Variants in FCER2 observed in about 807,000 individuals in gnomAD.
FCER2 encodes low affinity immunoglobulin epsilon Fc receptor.
In FCER2, 38 loss-of-function variants were observed where a neutral mutation model predicts 49.7. The observed-to-expected ratio is 0.76, with a 90% CI of 0.59 to 1.00. The LOEUF is 1.00. FCER2 is among the 50% of genes least tolerant of loss of function. The probability of loss-of-function intolerance (pLI) is 0.00; values close to 1 mark genes in which losing one functional copy is unlikely to be tolerated. For missense variants in FCER2, 425 were observed against 419.5 expected (o/e 1.01, Z -0.11); for synonymous variants, 163 against 164.6 (o/e 0.99, Z 0.07).
In FCER2 at chr19:7,690,216, C is replaced by A. The variant is rs756205377; in HGVS notation, c.671G>T (p.Arg224Leu). Residue 224 changes from arginine to leucine, a missense_variant, in exon 10 of 11, where the codon CGG (arginine) becomes CTG (leucine). By Grantham distance (102) the Arg-to-Leu change is moderately radical. Coordinates refer to ENST00000597921, the MANE Select transcript of FCER2 (RefSeq NM_001220500.2). ...AAACTCCCCCTTCAGGTCCAAGTTC[C>A]GAAGGCCAATCCAGGAGCCGGTGTG... ...ASHTGSWIGL[R>L]NLDLKGEFIW... The A allele has an allele frequency of 6.2e-7, 1 of 1,613,952 alleles. No individual in the cohort carries two copies.
chr19:7,690,172 G>T lies in FCER2; in HGVS notation c.715C>A (p.His239Asn), dbSNP rs1599431333. 4 of 1,610,566 alleles carry T rather than the reference G, an allele frequency of 2.5e-6. No individual in the cohort carries two copies. The highest frequency in any genetic ancestry group is 3.4e-6 in the Non-Finnish European group (4 of 1,176,802). The change falls in exon 10 of 11, where the codon CAC becomes AAC. Residue 239 changes from histidine (H) to asparagine (N), a missense_variant. His to Asn is a moderately conservative substitution (Grantham distance 68, BLOSUM62 1). Coordinates refer to ENST00000597921, the MANE Select transcript of FCER2 (RefSeq NM_001220500.2). Reference sequence around the variant, plus strand: ...CCCCCTCCTCACCTGTAGTCCACGTGGCTCCCATCCACCCAGATAAACTCC... The same window carrying T: ...CCCCCTCCTCACCTGTAGTCCACGTTGCTCCCATCCACCCAGATAAACTCC... ...KGEFIWVDGS[H>N]VDYSNWAPGE...
At chr19:7,699,548 T>C in intron 2 of FCER2, 191 bp downstream of exon 2, 1 of 1,306,008 alleles carries the variant, frequency 7.7e-7, no homozygotes, top group African/African-American at 1.5e-5. Context: ...GGCCCTCAAT[T>C]TGCCACTCCT....
At position 7,698,806 on chromosome 19, in the gene FCER2, A is replaced by G; in HGVS notation, c.71T>C (p.Ile24Thr). ...RRRCCRRGTQ[I>T]VLLGLVTAAL... ...GGCGGTCACCAGCCCCAGCAGCACG[A>G]TCTGAGTCCCACGCCTGCAACACCG... The change falls in exon 3 of 11, where the codon ATC becomes ACC. Residue 24 changes from isoleucine (I) to threonine (T), a missense_variant. Coordinates refer to ENST00000597921, the MANE Select transcript of FCER2 (RefSeq NM_001220500.2). The G allele has an allele frequency of 8.7e-6, 14 of 1,612,542 alleles. No homozygotes were observed. The highest frequency in any genetic ancestry group is 1.2e-5 in the Non-Finnish European group (14 of 1,179,468).
Position 7,696,829 on chromosome 19 carries a change from G to A in FCER2, c.465C>T (p.Ser155=). 1 of 1,573,232 alleles carries A rather than the reference G, an allele frequency of 6.4e-7. No homozygotes were observed. The change falls in exon 8 of 11, where the codon TCC becomes TCT. Residue 155 remains serine, a synonymous_variant. Coordinates refer to ENST00000597921, the MANE Select transcript of FCER2 (RefSeq NM_001220500.2). ...AGCAGAGACTCACACACTCACCGCTGGACACCTGCAACTCCATCCTTAGCT... is the reference window on the plus strand; with the variant it reads ...AGCAGAGACTCACACACTCACCGCTAGACACCTGCAACTCCATCCTTAGCT... The part of the protein sequence containing the change: ...VTKLRMELQV[S]SGFVCNTCPE...
intron 7 of FCER2, 35 bp downstream of exon 7, chr19:7,696,978 C>T: frequency 6.4e-7 from 1 of 1,562,844 alleles, no homozygotes; most frequent in Middle Eastern, 1.7e-4. Flanking sequence ...TTGTCCGTTC[C>T]CTCCCCCACT....
chr19:7,689,342 A>T lies in FCER2; in HGVS notation c.817T>A (p.Cys273Ser). ...ACCCAGGCGCCCAGCTTACGGTCGC[A>T]GAAGGCGTCGTTCCAGCGACCGGAG... ...RGSGRWNDAF[C>S]DRKLGAWVCD... Residue 273 changes from cysteine (C) to serine (S), a missense_variant, in exon 11 of 11, where the codon TGC becomes AGC. Cys to Ser is a moderately radical substitution (Grantham distance 112). Coordinates refer to ENST00000597921, the MANE Select transcript of FCER2 (RefSeq NM_001220500.2). The T allele has an allele frequency of 6.2e-7, 1 of 1,612,266 alleles. No individual in the cohort carries two copies. The highest frequency in any genetic ancestry group is 8.5e-7 in the Non-Finnish European group (1 of 1,179,472).
chr19:7,700,555 C>T (rs1442653043), intron 1 of FCER2, among the ~76,000 whole-genome samples: 1 of 152,134 alleles, frequency 6.6e-6, no homozygotes, highest in Non-Finnish European at 1.5e-5. Flanking sequence ...CGCTCTGTTG[C>T]CCAGGCTGGA....
In FCER2 at chr19:7,689,051, G is replaced by A. The variant is rs997318884; in HGVS notation, c.*142C>T. 1.9e-5 allele frequency: 12 copies of A among 637,498 alleles called. No individual in the cohort carries two copies. Among genetic ancestry groups the A allele is most frequent in the African/African-American group, 1.8e-4 (10 of 54,716 alleles). The allele number at this position is 637,498 out of a possible 1,614,324, so 39.5% of individuals were successfully genotyped here. A position where few individuals can be genotyped will look rare whatever the true frequency, so the allele number is the denominator to read the frequency against. On this transcript the variant is annotated 3_prime_UTR_variant, in exon 11 of 11. Coordinates refer to ENST00000597921, the MANE Select transcript of FCER2 (RefSeq NM_001220500.2). Reference sequence around the variant, plus strand: ...TGGGGTGTACTCCTGGGAAGGCAGGGGCCATAGAGGAGCGGGAGATGTGTC... The same window carrying A: ...TGGGGTGTACTCCTGGGAAGGCAGGAGCCATAGAGGAGCGGGAGATGTGTC...
intron 8 of FCER2, among the ~76,000 whole-genome samples, chr19:7,693,865 T>C (rs2146273005): frequency 6.6e-6 from 1 of 151,666 alleles, no homozygotes; most frequent in Admixed American, 6.6e-5. Flanking sequence ...GTCAGGCTGG[T>C]CTCGATCTCC....
At chr19:7,700,964 C>A (rs12460971) in intron 1 of FCER2, among the ~76,000 whole-genome samples, 9,604 of 152,172 alleles carry the variant, frequency 0.063, 413 homozygotes, top group East Asian at 0.19. Flanking sequence ...GCACCCACCA[C>A]CACACCTGGC....
At chr19:7,697,336 C>T (rs998801664) in intron 5 of FCER2, 38 bp from the exon 6 acceptor site, 29 of 1,602,490 alleles carry the variant, frequency 1.8e-5, no homozygotes, top group Non-Finnish European at 2.1e-5. Flanking sequence ...TAAGCAGGTC[C>T]TCATTGTCTC....
rs201613168 is a variant in FCER2 at position 7,699,787 on chromosome 19, G to A, written c.-27C>T. Reference sequence around the variant, plus strand: ...GCGGTCCTGCTTGGATTCTCCCGATGATGGAGCACTCACTCCCTGACAACG... The same window carrying A: ...GCGGTCCTGCTTGGATTCTCCCGATAATGGAGCACTCACTCCCTGACAACG... On this transcript the variant is annotated 5_prime_UTR_variant, in exon 2 of 11. Transcript: ENST00000597921. 5.6e-6 allele frequency: 9 copies of A among 1,612,124 alleles called. No homozygotes were observed. The African/African-American group carries it at 1.2e-4, about 21-fold the overall frequency.
chr19:7,696,409 T>C (rs937176002), intron 8 of FCER2, among the ~76,000 whole-genome samples: 5 of 152,074 alleles, frequency 3.3e-5, no homozygotes, highest in African/African-American at 1.2e-4. Context: ...CTAATTTTTG[T>C]ATTTTTAGTG....
rs929313207 is a variant in FCER2 at position 7,694,421 on chromosome 19, T to C, written c.469+2404A>G. 2.6e-5 allele frequency among the ~76,000 whole-genome samples: 4 copies of C among 152,120 alleles called. No homozygotes were observed. In the East Asian group the frequency reaches 7.7e-4, roughly 29 times the overall value. On this transcript the variant is annotated intron_variant, in intron 8 of 10. Coordinates refer to ENST00000597921, the MANE Select transcript of FCER2 (RefSeq NM_001220500.2). ...AAACCCCAAAACCAGGAAGAGGACA[T>C]TTCTGAGCCCTCAAAGAAAACTTCA...
At position 7,698,413 on chromosome 19, in the gene FCER2, G is replaced by T; in HGVS notation, c.137-4C>A. Reference sequence around the variant, plus strand: ...AGACTCTGTGTGGTGTCCCAGTCTGGGGAGGGGGAGAGAAGAGGAGTGGAG... The same window carrying T: ...AGACTCTGTGTGGTGTCCCAGTCTGTGGAGGGGGAGAGAAGAGGAGTGGAG... On this transcript the variant is annotated splice_region_variant and splice_polypyrimidine_tract_variant and intron_variant, in intron 3 of 10. Transcript: ENST00000597921. 1 of 1,610,136 alleles carries T rather than the reference G, an allele frequency of 6.2e-7. No homozygotes were observed. Among genetic ancestry groups the T allele is most frequent in the South Asian group, 1.1e-5 (1 of 90,664 alleles).
Position 7,702,025 on chromosome 19 carries a change from G to A in FCER2, c.-96C>T, listed in dbSNP as rs1298995817. ...ACACCAGATACGTACTCACTTAGTG[G>A]AGTTTGGAGCCTGTGTCTGTCCTCC... On this transcript the variant is annotated 5_prime_UTR_variant, in exon 1 of 11. Transcript: ENST00000597921. The A allele has an allele frequency of 6.6e-6, 1 of 152,088 alleles. No homozygotes were observed. Among genetic ancestry groups the A allele is most frequent in the Non-Finnish European group, 1.5e-5 (1 of 68,038 alleles). 9.4% of individuals were successfully genotyped at this position (152,088 alleles called of 1,614,324 possible).
intron 8 of FCER2, among the ~76,000 whole-genome samples, chr19:7,696,249 A>G (rs531877350): frequency 1.9e-3 from 285 of 152,118 alleles, no homozygotes; most frequent in Middle Eastern, 6.8e-3. Context: ...ACAGGCACGC[A>G]CCACTACACC....
rs1376772140 is a variant in FCER2 at position 7,690,459 on chromosome 19, C to T, written c.568G>A (p.Ala190Thr). The T allele has an allele frequency of 3.7e-6, 6 of 1,613,996 alleles. No individual in the cohort carries two copies. The African/African-American group carries it at 8.0e-5, about 22-fold the overall frequency. The change falls in exon 9 of 11, where the codon GCC becomes ACC. Residue 190 changes from alanine to threonine, a missense_variant. By Grantham distance (58) the Ala-to-Thr change is moderately conservative (BLOSUM62 0). Transcript: ENST00000597921. Reference sequence around the variant, plus strand: ...AGCTGCCCTTCCATGTCGTCACAGGCATACCGGGCGTGGACCCACTGCTTG... The same window carrying T: ...AGCTGCCCTTCCATGTCGTCACAGGTATACCGGGCGTGGACCCACTGCTTG... Reference protein sequence around the residue: ...GTKQWVHARYACDDMEGQLVS... With the variant: ...GTKQWVHARYTCDDMEGQLVS...
chr19:7,696,793 G>C (rs1039953550), intron 8 of FCER2, 32 bp downstream of exon 8: 3 of 1,520,522 alleles, frequency 2.0e-6, no homozygotes, highest in Admixed American at 3.9e-5. Context: ...GTGAGGTCAC[G>C]CGTCGTCCTG....
Sources: allele counts gnomAD v4.1 joint callset (sites outside exome capture counted in the v4.1 genomes callset), GRCh38; gene constraint gnomAD v4.1.1; transcripts MANE v1.5; gene names NCBI Gene and HGNC (gene_info 2026-07-23, HGNC 2026-07-21).